Variants in SORCS2 observed in about 807,000 individuals in gnomAD.
The protein encoded by SORCS2 is sortilin related VPS10 domain containing receptor 2, also known as VPS10 domain-containing receptor SorCS2.
SORCS2 carries 100 observed loss-of-function variants against 141.6 expected under a neutral mutation model. The ratio of observed to expected loss-of-function variants is 0.71; its 90% CI spans 0.60 to 0.83. SORCS2 has a LOEUF of 0.83. SORCS2 is among the 40% of genes least tolerant of loss of function. The pLI, the probability that SORCS2 is intolerant of heterozygous loss-of-function variation, is 0.00. For missense variants in SORCS2, 1,646 were observed against 1,560.2 expected (o/e 1.05, Z -0.93); for synonymous variants, 789 against 676.9 (o/e 1.17, Z -2.57).
chr4:7,273,948 A>C (rs533146088), intron 1 of SORCS2, among the ~76,000 whole-genome samples: 4 of 152,308 alleles, frequency 2.6e-5, no homozygotes, highest in Non-Finnish European at 4.4e-5. Flanking sequence ...CATGGAGACA[A>C]TGTGGCCTCC....
intron 2 of SORCS2, among the ~76,000 whole-genome samples, chr4:7,475,235 C>T (rs1284247075): frequency 6.6e-6 from 1 of 152,038 alleles, no homozygotes; most frequent in Non-Finnish European, 1.5e-5. Flanking sequence ...GTGGAAAGTC[C>T]CAGGCAGGAA....
intron 1 of SORCS2, among the ~76,000 whole-genome samples, chr4:7,270,846 G>T (rs971440220): frequency 1.1e-4 from 16 of 152,260 alleles, no homozygotes; most frequent in African/African-American, 3.6e-4. Context: ...ACTGGGGAAT[G>T]AAGTTCCTGG....
Position 7,740,396 on chromosome 4 carries a change from C to T in SORCS2, c.*132C>T, listed in dbSNP as rs1255365644. 13 of 781,784 alleles carry T rather than the reference C, an allele frequency of 1.7e-5. No homozygotes were observed. The highest frequency in any genetic ancestry group is 2.5e-5 in the Non-Finnish European group (12 of 474,300). 48.4% of individuals were successfully genotyped at this position (781,784 alleles called of 1,614,324 possible). A position where few individuals can be genotyped will look rare whatever the true frequency, so the allele number is the denominator to read the frequency against. ...AGTCGTCGCCACACCAGGCGACAGG[C>T]ACCACCCCCTCTGATAAATCCAAGC... On this transcript the variant is annotated 3_prime_UTR_variant, in exon 27 of 27. Coordinates refer to ENST00000507866, the MANE Select transcript of SORCS2 (RefSeq NM_020777.3).
At chr4:7,591,031 C>G (rs1386683340) in intron 3 of SORCS2, among the ~76,000 whole-genome samples, 1 of 152,178 alleles carries the variant, frequency 6.6e-6, no homozygotes, top group Non-Finnish European at 1.5e-5. Context: ...GCATGGCTGT[C>G]ATCTCCCCAC....
intron 1 of SORCS2, among the ~76,000 whole-genome samples, chr4:7,379,243 G>A (rs1158617917): frequency 6.6e-6 from 1 of 152,124 alleles, no homozygotes; most frequent in African/African-American, 2.4e-5. Flanking sequence ...GACTCCCCAG[G>A]GTGCAGCAGG....
At position 7,193,317 on chromosome 4, in the gene SORCS2, C is replaced by T. The variant is rs1298354001; in HGVS notation, c.480+191C>T. Among the ~76,000 whole-genome samples, 4 of 152,184 alleles carry T rather than the reference C, an allele frequency of 2.6e-5. No individual in the cohort carries two copies. Among genetic ancestry groups the T allele is most frequent in the African/African-American group, 9.6e-5 (4 of 41,462 alleles). On this transcript the variant is annotated intron_variant, in intron 1 of 26. Transcript: ENST00000507866. This position sits in a 1 kb window ranked among gnomAD's most constrained non-coding sequence, Gnocchi z 4.8. ...GGTCACTGGTTACTTGGGGAGAGGTCCTCAGATTCGTACGCTTGTCTCACC... is the reference window on the plus strand; with the variant it reads ...GGTCACTGGTTACTTGGGGAGAGGTTCTCAGATTCGTACGCTTGTCTCACC...
At chr4:7,553,042 G>A (rs577635765) in intron 3 of SORCS2, among the ~76,000 whole-genome samples, 7 of 152,178 alleles carry the variant, frequency 4.6e-5, no homozygotes, top group Non-Finnish European at 1.0e-4. Flanking sequence ...CATTTTGGAA[G>A]CCTGAGAGCA....
At chr4:7,566,423 G>A (rs1343809573) in intron 3 of SORCS2, among the ~76,000 whole-genome samples, 2 of 152,130 alleles carry the variant, frequency 1.3e-5, no homozygotes, top group African/African-American at 2.4e-5. Context: ...GATAGTGATG[G>A]CCATCACAGT....
chr4:7,250,403 G>A (rs185377093), intron 1 of SORCS2, among the ~76,000 whole-genome samples: 1 of 152,320 alleles, frequency 6.6e-6, no homozygotes, highest in African/African-American at 2.4e-5. Context: ...CGGGAAACAC[G>A]CTGGCTCTTC....
intron 2 of SORCS2, chr4:7,434,530 G>A: frequency 6.2e-7 from 1 of 1,613,084 alleles, no homozygotes; most frequent in Non-Finnish European, 8.5e-7. Context: ...GCTCAGGATG[G>A]CCGAACTGTG....
At chr4:7,393,118 A>G (rs1441541746) in intron 1 of SORCS2, among the ~76,000 whole-genome samples, 1 of 152,092 alleles carries the variant, frequency 6.6e-6, no homozygotes, top group African/African-American at 2.4e-5. Flanking sequence ...GAGCCTTTGA[A>G]GTGATGAGTG....
At chr4:7,315,471 A>C (rs1009635033) in intron 1 of SORCS2, among the ~76,000 whole-genome samples, 3 of 152,224 alleles carry the variant, frequency 2.0e-5, no homozygotes, top group Non-Finnish European at 2.9e-5. Context: ...GCTCTGGGGC[A>C]GGCCAGGGCT....
intron 3 of SORCS2, among the ~76,000 whole-genome samples, chr4:7,632,537 G>A (rs967476456): frequency 1.1e-4 from 17 of 152,054 alleles, no homozygotes; most frequent in Admixed American, 8.5e-4. Context: ...AAATAGCCCC[G>A]GCCCAGATTG....
intron 1 of SORCS2, among the ~76,000 whole-genome samples, chr4:7,252,567 A>G (rs1713578421): frequency 6.6e-6 from 1 of 152,248 alleles, no homozygotes; most frequent in South Asian, 2.1e-4. Flanking sequence ...TAAAGGCTCT[A>G]CATACTTCCC....
intron 23 of SORCS2, among the ~76,000 whole-genome samples, chr4:7,731,187 T>C (rs1711644173): frequency 6.6e-6 from 1 of 152,062 alleles, no homozygotes; most frequent in Non-Finnish European, 1.5e-5. Context: ...AAAAGCAGAA[T>C]AAACTACTTA....
intron 4 of SORCS2, among the ~76,000 whole-genome samples, chr4:7,640,477 TGAGA>T (rs58499022): frequency 6.2e-5 from 9 of 146,070 alleles, no homozygotes; most frequent in Admixed American, 1.4e-4. Flanking sequence ...TGTGTGTGTG[TGAGA>T]GAGAGCCTAT....
intron 1 of SORCS2, among the ~76,000 whole-genome samples, chr4:7,246,448 C>T (rs1318025045): frequency 1.7e-5 from 2 of 120,458 alleles, no homozygotes; most frequent in Non-Finnish European, 3.4e-5. Flanking sequence ...TGAACCCACA[C>T]ATCTCACCTG....
At chr4:7,523,884 G>GC (rs1246100859) in intron 2 of SORCS2, among the ~76,000 whole-genome samples, 1 of 152,156 alleles carries the variant, frequency 6.6e-6, no homozygotes, top group Non-Finnish European at 1.5e-5. Context: ...CCAGCAAGAG[G>GC]CCCCCTCCCT....
chr4:7,650,968 G>A (rs377679044), intron 4 of SORCS2, among the ~76,000 whole-genome samples: 6 of 152,182 alleles, frequency 3.9e-5, no homozygotes, highest in African/African-American at 4.8e-5. Context: ...AATGCAGTGC[G>A]GACCGTATTG....
Sources: gnomAD v4.1 joint callset for allele counts (sites outside exome capture counted in the v4.1 genomes callset) on GRCh38, gnomAD v4.1.1 for gene constraint, Gnocchi (gnomAD v3.1) non-coding constraint, MANE v1.5 for transcripts, NCBI Gene and HGNC (gene_info 2026-07-23, HGNC 2026-07-21) for gene names.